Variants in WWOX observed in about 807,000 individuals in gnomAD.
The protein encoded by WWOX is WW domain containing oxidoreductase, also known as WW domain-containing oxidoreductase.
Under a neutral mutation model 46.2 loss-of-function variants are expected in WWOX, and 69 were observed. The ratio of observed to expected loss-of-function variants is 1.49; its 90% CI spans 1.23 to 1.82. WWOX has a LOEUF of 1.82. WWOX is among the 40% of genes most tolerant of loss of function. The probability of loss-of-function intolerance (pLI) is 0.00; values close to 1 mark genes in which losing one functional copy is unlikely to be tolerated. For missense variants in WWOX, 919 were observed against 542.6 expected (o/e 1.69, Z -6.89); for synonymous variants, 359 against 202.6 (o/e 1.77, Z -6.56).
chr16:78,938,916 C>A (rs961587229), intron 8 of WWOX, among the ~76,000 whole-genome samples: 8 of 152,132 alleles, frequency 5.3e-5, no homozygotes, highest in African/African-American at 1.7e-4. Flanking sequence ...GAGGCCCAGT[C>A]AGGGGGAATG....
chr16:78,947,414 G>A (rs1265180081), intron 8 of WWOX, among the ~76,000 whole-genome samples: 1 of 152,170 alleles, frequency 6.6e-6, no homozygotes, highest in African/African-American at 2.4e-5. Flanking sequence ...TACAGCGCAG[G>A]TGCATCTTGC....
chr16:78,515,811 T>C (rs1056022822), intron 8 of WWOX, among the ~76,000 whole-genome samples: 5 of 152,126 alleles, frequency 3.3e-5, no homozygotes, highest in Non-Finnish European at 7.4e-5. Context: ...TTCCAATAAG[T>C]CAGCACCTTC....
chr16:78,366,762 T>C (rs747095346), intron 5 of WWOX, among the ~76,000 whole-genome samples: 4 of 152,176 alleles, frequency 2.6e-5, no homozygotes, highest in Non-Finnish European at 4.4e-5. Context: ...ATCTCTGTTC[T>C]AGAGGATTCG....
chr16:78,329,618 A>T (rs1202734790), intron 5 of WWOX, among the ~76,000 whole-genome samples: 1 of 152,184 alleles, frequency 6.6e-6, no homozygotes. Context: ...AAAATATAGC[A>T]GTTTCCTGCA....
At chr16:78,407,559 C>G (rs76549013) in intron 6 of WWOX, among the ~76,000 whole-genome samples, 3 of 152,218 alleles carry the variant, frequency 2.0e-5, no homozygotes, top group South Asian at 2.1e-4. Context: ...ACTGCTGCTC[C>G]TAGACTCTTT....
chr16:78,287,801 AT>A (rs1016815629), intron 5 of WWOX, among the ~76,000 whole-genome samples: 5 of 152,186 alleles, frequency 3.3e-5, no homozygotes, highest in African/African-American at 1.2e-4. Context: ...ACTTAAAAAA[AT>A]TTTTTTAAGA....
At chr16:78,100,985 T>C (rs192087759) in intron 1 of WWOX, among the ~76,000 whole-genome samples, 95 of 152,308 alleles carry the variant, frequency 6.2e-4, no homozygotes, top group African/African-American at 2.2e-3. Flanking sequence ...AATCTGATTT[T>C]CAGCATCTGG....
At chr16:79,123,429 A>C (rs1377692866) in intron 8 of WWOX, among the ~76,000 whole-genome samples, 2 of 152,118 alleles carry the variant, frequency 1.3e-5, no homozygotes, top group Admixed American at 1.3e-4. Flanking sequence ...GCAGCTGGGG[A>C]GTGAATCTGT....
chr16:78,277,143 T>C (rs1445306129), intron 5 of WWOX, among the ~76,000 whole-genome samples: 2 of 152,160 alleles, frequency 1.3e-5, no homozygotes, highest in African/African-American at 4.8e-5. Context: ...CTTGATTCAG[T>C]AAAACAAGTT....
At chr16:78,412,092 T>C (rs762929447) in intron 6 of WWOX, among the ~76,000 whole-genome samples, 6 of 152,084 alleles carry the variant, frequency 3.9e-5, no homozygotes, top group South Asian at 2.1e-4. Flanking sequence ...CCAGAGGTAG[T>C]GCCTACCTCT....
intron 8 of WWOX, among the ~76,000 whole-genome samples, chr16:78,797,579 A>T (rs970647194): frequency 7.9e-5 from 12 of 152,132 alleles, no homozygotes; most frequent in African/African-American, 2.7e-4. Context: ...CTGGGGCTTT[A>T]GTCATGTCAA....
At chr16:79,203,751 A>G (rs2051419303) in intron 8 of WWOX, 1 of 152,160 alleles carries the variant, frequency 6.6e-6, no homozygotes, top group South Asian at 2.1e-4. Context: ...TGTAGTATGA[A>G]GATATTCTTT....
At chr16:78,613,218 G>C (rs1160373322) in intron 8 of WWOX, among the ~76,000 whole-genome samples, 5 of 152,116 alleles carry the variant, frequency 3.3e-5, no homozygotes, top group Non-Finnish European at 7.3e-5. Context: ...TCTATGCCCA[G>C]GTCCCATTTC....
intron 5 of WWOX, among the ~76,000 whole-genome samples, chr16:78,375,775 CAACAA>C (rs894404340): frequency 4.6e-5 from 7 of 150,640 alleles, no homozygotes; most frequent in African/African-American, 7.3e-5. Context: ...TTTCAGTGGC[CAACAA>C]AACAAAACAA....
chr16:78,107,429 A>T (rs1401138056), intron 1 of WWOX, among the ~76,000 whole-genome samples: 1 of 152,208 alleles, frequency 6.6e-6, no homozygotes, highest in Non-Finnish European at 1.5e-5. Context: ...AGCTTTTTGT[A>T]TGCCAAGTGC....
intron 8 of WWOX, among the ~76,000 whole-genome samples, chr16:78,984,111 C>G (rs1218970550): frequency 6.6e-6 from 1 of 152,038 alleles, no homozygotes; most frequent in African/African-American, 2.4e-5. Context: ...ATCTCCTGAC[C>G]TCGTGATCTG....
rs1308235652 is a variant in WWOX at position 78,462,881 on chromosome 16, G to A, written c.1056+30129G>A. Among the ~76,000 whole-genome samples, 3 of 152,190 alleles carry A rather than the reference G, an allele frequency of 2.0e-5. No individual in the cohort carries two copies. The East Asian group carries it at 5.8e-4, about 29-fold the overall frequency. On this transcript the variant is annotated intron_variant, in intron 8 of 8. Transcript: ENST00000566780. ...TTGTTGCTTTCCTGGGTCTTGCCCT[G>A]TCCTTACTGTTTCCCTTGGGCACGC...
At chr16:78,103,198 C>T (rs2031912415) in intron 1 of WWOX, among the ~76,000 whole-genome samples, 1 of 152,060 alleles carries the variant, frequency 6.6e-6, no homozygotes, top group Admixed American at 6.5e-5. Flanking sequence ...TCCAGCCCTC[C>T]CGACTAGTGT....
In WWOX at chr16:79,058,114, A is replaced by AAACC. The variant is rs1555520231; in HGVS notation, c.1057-153492_1057-153491insCCAA. On this transcript the variant is annotated intron_variant, in intron 8 of 8. Transcript: ENST00000566780. ...AGGAGATATATCTTACTTAAAAAAA[A>AAACC]AAAAAACAAACAAACAAAAAAAAAA... Among the ~76,000 whole-genome samples the AAACC allele has an allele frequency of 4.3e-3, 552 of 129,796 alleles. 3 individuals carry two copies. Among genetic ancestry groups the AAACC allele is most frequent in the African/African-American group, 0.021 (533 of 25,380 alleles). 85.2% of individuals were successfully genotyped at this position (129,796 alleles called of 152,430 possible). A position where few individuals can be genotyped will look rare whatever the true frequency, so the allele number is the denominator to read the frequency against.
Sources: allele counts gnomAD v4.1 joint callset (sites outside exome capture counted in the v4.1 genomes callset), GRCh38; gene constraint gnomAD v4.1.1; transcripts MANE v1.5; gene names NCBI Gene and HGNC (gene_info 2026-07-23, HGNC 2026-07-21).